The following ZNF678 variants were observed in gnomAD, a reference collection of about 807,000 sequenced individuals.
The protein encoded by ZNF678 is zinc finger protein 678, also known as hypothetical protein MGC42493.
In ZNF678, 5 loss-of-function variants were observed where a neutral mutation model predicts 3.0. The observed-to-expected ratio is 1.69, with a 90% CI of 0.88 to 3.56. ZNF678 has a LOEUF of 3.56. Ranked by LOEUF, ZNF678 falls within the 30% of genes most tolerant of loss-of-function variation. The pLI is 0.00. For missense variants in ZNF678, 593 were observed against 605.0 expected (o/e 0.98, Z 0.21); for synonymous variants, 218 against 199.6 (o/e 1.09, Z -0.78).
intron 5 of ZNF678, among the ~76,000 whole-genome samples, chr1:227,669,809 T>TA (rs1198671268): frequency 3.3e-5 from 5 of 152,138 alleles, no homozygotes; most frequent in African/African-American, 9.7e-5. Flanking sequence ...TCAAAGAACT[T>TA]AAAACAGAGT....
chr1:227,626,631 G>A (rs12120182), intron 1 of ZNF678, among the ~76,000 whole-genome samples: 32,785 of 152,018 alleles, frequency 0.22, 4,007 homozygotes, highest in African/African-American at 0.33. Context: ...GCTGAGTCCC[G>A]CTTTTTGGGG....
chr1:227,586,820 A>G (rs1359961579), intron 1 of ZNF678, among the ~76,000 whole-genome samples: 1 of 152,166 alleles, frequency 6.6e-6, no homozygotes, highest in East Asian at 1.9e-4. Context: ...CTTAACCCTA[A>G]TAGGCAATTT....
At chr1:227,648,773 C>G (rs1338749961) in intron 2 of ZNF678, among the ~76,000 whole-genome samples, 1 of 152,056 alleles carries the variant, frequency 6.6e-6, no homozygotes, top group Non-Finnish European at 1.5e-5. Context: ...CAAGCAGCCA[C>G]TGCACTCCAG....
chr1:227,629,102 T>C (rs929245983), intron 1 of ZNF678, among the ~76,000 whole-genome samples: 1 of 152,146 alleles, frequency 6.6e-6, no homozygotes, highest in Non-Finnish European at 1.5e-5. Flanking sequence ...TACATTGGAG[T>C]ATTGCAGGGG....
intron 1 of ZNF678, among the ~76,000 whole-genome samples, chr1:227,606,994 T>C (rs1657888648): frequency 6.6e-6 from 1 of 152,322 alleles, no homozygotes; most frequent in African/African-American, 2.4e-5. Flanking sequence ...ATAGACACAG[T>C]AACAATCTGA....
intron 1 of ZNF678, chr1:227,598,936 T>A: frequency 1.3e-6 from 1 of 785,044 alleles, no homozygotes. Flanking sequence ...CTCTTTCTAG[T>A]TCTTTCTTCC....
intron 1 of ZNF678, among the ~76,000 whole-genome samples, chr1:227,603,322 T>G (rs1324495661): frequency 2.0e-5 from 3 of 152,136 alleles, no homozygotes; most frequent in African/African-American, 7.2e-5. Flanking sequence ...GTTGCCAGGT[T>G]GGGGGAAGTG....
Position 227,668,800 on chromosome 1 carries a change from C to A in ZNF678, c.227-8379C>A, listed in dbSNP as rs946659382. The stretch of plus-strand genomic sequence containing the variant: ...ATATTGCCAGCCAGTTATGCCAACA[C>A]CATTTATTGAATAGGAAGTCGTTTC... On this transcript the variant is annotated intron_variant, in intron 5 of 5. Transcript: ENST00000608949. Among the ~76,000 whole-genome samples the A allele has an allele frequency of 2.6e-5, 4 of 152,104 alleles. No individual in the cohort carries two copies. The East Asian group carries it at 7.7e-4, about 29-fold the overall frequency.
At chr1:227,678,343 A>G (rs1659717375), downstream of ZNF678, among the ~76,000 whole-genome samples, 1 of 152,224 alleles carries the variant, frequency 6.6e-6, no homozygotes, top group African/African-American at 2.4e-5. Context: ...ACAAGGATGC[A>G]TGCGGAAGTA....
intron 1 of ZNF678, among the ~76,000 whole-genome samples, chr1:227,581,412 G>A (rs976660330): frequency 6.6e-6 from 1 of 152,026 alleles, no homozygotes; most frequent in Non-Finnish European, 1.5e-5. Context: ...AGGAAGCATG[G>A]ATTACTAGAA....
Position 227,661,453 on chromosome 1 carries a change from T to C in ZNF678, c.*5625T>C, listed in dbSNP as rs962881380. ...TTTTCCCAACAATAAGGGACATGAGTCATTGGGGCATGTTACAGAGAGTTT... is the reference window on the plus strand; with the variant it reads ...TTTTCCCAACAATAAGGGACATGAGCCATTGGGGCATGTTACAGAGAGTTT... On this transcript the variant is annotated 3_prime_UTR_variant, in exon 4 of 4. Transcript: ENST00000343776. 6 of 151,990 alleles carry C rather than the reference T, an allele frequency of 3.9e-5. No individual in the cohort carries two copies. Among genetic ancestry groups the C allele is most frequent in the Non-Finnish European group, 8.8e-5 (6 of 68,006 alleles). 9.4% of individuals were successfully genotyped at this position (151,990 alleles called of 1,614,324 possible). A position where few individuals can be genotyped will look rare whatever the true frequency, so the allele number is the denominator to read the frequency against.
At position 227,659,719 on chromosome 1, in the gene ZNF678, GA is replaced by G. The variant is rs1659349480; in HGVS notation, c.*3892del. On this transcript the variant is annotated 3_prime_UTR_variant, in exon 4 of 4. Coordinates refer to ENST00000343776, the MANE Select transcript of ZNF678 (RefSeq NM_001367909.1). ...ATTTGGAGCATTGCTATCGCTCCAT[GA>G]TGTGTTTAAAAATTATTTTTAAATT... The G allele has an allele frequency of 6.6e-6, 1 of 152,054 alleles. No individual in the cohort carries two copies. Among genetic ancestry groups the G allele is most frequent in the East Asian group, 1.9e-4 (1 of 5,198 alleles). The allele number at this position is 152,054 out of a possible 1,614,324, so 9.4% of individuals were successfully genotyped here. A position where few individuals can be genotyped will look rare whatever the true frequency, so the allele number is the denominator to read the frequency against.
At chr1:227,605,462 G>T (rs1558140589) in intron 1 of ZNF678, among the ~76,000 whole-genome samples, 1 of 152,058 alleles carries the variant, frequency 6.6e-6, no homozygotes, top group East Asian at 1.9e-4. Flanking sequence ...AAATTTTCCA[G>T]GACAATATTT....
chr1:227,585,448 A>G (rs1213628253), intron 1 of ZNF678, among the ~76,000 whole-genome samples: 1 of 152,208 alleles, frequency 6.6e-6, no homozygotes, highest in Non-Finnish European at 1.5e-5. Context: ...AGTATACATT[A>G]AACAGAAAAT....
chr1:227,597,936 G>A (rs773319296), intron 1 of ZNF678, among the ~76,000 whole-genome samples: 1 of 152,090 alleles, frequency 6.6e-6, no homozygotes, highest in Non-Finnish European at 1.5e-5. Flanking sequence ...AACCAGCTCC[G>A]CAACCCTAAA....
chr1:227,575,107 T>C (rs6665512), intron 1 of ZNF678, among the ~76,000 whole-genome samples: 2,542 of 152,296 alleles, frequency 0.017, 60 homozygotes, highest in South Asian at 0.057. Context: ...CATTGGTATA[T>C]GTGTTTGTTC....
Position 227,655,841 on chromosome 1 carries a change from T to A in ZNF678, c.*13T>A. 1 of 1,542,762 alleles carries A rather than the reference T, an allele frequency of 6.5e-7. No homozygotes were observed. Among genetic ancestry groups the A allele is most frequent in the Non-Finnish European group, 8.7e-7 (1 of 1,150,486 alleles). On this transcript the variant is annotated 3_prime_UTR_variant, in exon 4 of 4. Coordinates refer to ENST00000343776, the MANE Select transcript of ZNF678 (RefSeq NM_001367909.1). ...TGGCAGTCTTTAAAAACTGCTTCAT[T>A]ATACATGGCTTCACTAATTTCATAC... is the stretch of plus-strand genomic sequence containing the variant.
At chr1:227,592,163 G>A (rs546800133) in intron 1 of ZNF678, among the ~76,000 whole-genome samples, 37 of 152,230 alleles carry the variant, frequency 2.4e-4, no homozygotes, top group Non-Finnish European at 5.0e-4. Context: ...AGGTGGCGGG[G>A]TTTAGGGTGT....
chr1:227,599,918 G>C (rs990600771), intron 1 of ZNF678, among the ~76,000 whole-genome samples: 1 of 152,152 alleles, frequency 6.6e-6, no homozygotes, highest in African/African-American at 2.4e-5. Flanking sequence ...CATTACCCAG[G>C]TATTAAGCTT....
Sources: gnomAD v4.1 joint callset for allele counts (sites outside exome capture counted in the v4.1 genomes callset) on GRCh38, gnomAD v4.1.1 for gene constraint, MANE v1.5 for transcripts, NCBI Gene and HGNC (gene_info 2026-07-23, HGNC 2026-07-21) for gene names.